The following ANKRD55 variants were observed in gnomAD, a reference collection of about 807,000 sequenced individuals.
ANKRD55 encodes the protein ankyrin repeat domain 55.
A neutral mutation model predicts 60.6 loss-of-function variants in ANKRD55; 41 were observed. The observed-to-expected ratio is 0.68, with a 90% CI of 0.53 to 0.88. The LOEUF is 0.88. Among genes scored for constraint, ANKRD55 ranks in the 40% least tolerant of loss-of-function variants. ANKRD55 has a pLI of 0.00. For missense variants in ANKRD55, 732 were observed against 767.6 expected, an observed-to-expected ratio of 0.95 and a Z score of 0.55; for synonymous variants, 264 against 290.3, an observed-to-expected ratio of 0.91 and a Z score of 0.92.
intron 2 of ANKRD55, among the ~76,000 whole-genome samples, chr5:56,198,787 C>G (rs961078166): frequency 1.3e-5 from 2 of 149,610 alleles, no homozygotes; most frequent in Admixed American, 1.3e-4. Flanking sequence ...TTTAAAAACA[C>G]GTGTTTAGGG....
At chr5:56,220,026 G>T (rs1208209459) in intron 2 of ANKRD55, among the ~76,000 whole-genome samples, 1 of 152,238 alleles carries the variant, frequency 6.6e-6, no homozygotes, top group Non-Finnish European at 1.5e-5. Context: ...CCAGCTGCCT[G>T]CTGCACCGGA....
At chr5:56,201,934 T>C (rs1446196229) in intron 2 of ANKRD55, among the ~76,000 whole-genome samples, 2 of 152,180 alleles carry the variant, frequency 1.3e-5, no homozygotes, top group Non-Finnish European at 2.9e-5. Context: ...GAAAATGTGA[T>C]ACATATGCAC....
At chr5:56,209,944 T>C (rs1759620038) in intron 2 of ANKRD55, among the ~76,000 whole-genome samples, 1 of 152,212 alleles carries the variant, frequency 6.6e-6, no homozygotes, top group Non-Finnish European at 1.5e-5. Context: ...TAGTGTGCTT[T>C]ACAATTAAAA....
At chr5:56,132,903 C>T (rs2111735387) in intron 7 of ANKRD55, among the ~76,000 whole-genome samples, 1 of 152,182 alleles carries the variant, frequency 6.6e-6, no homozygotes, top group Non-Finnish European at 1.5e-5. Flanking sequence ...GACTACAAAA[C>T]AAAGAAAGTT....
intron 9 of ANKRD55, among the ~76,000 whole-genome samples, chr5:56,113,220 A>G (rs1188655979): frequency 6.6e-6 from 1 of 152,162 alleles, no homozygotes; most frequent in Non-Finnish European, 1.5e-5. Context: ...ATTAAACTCT[A>G]TTCATAATAA....
intron 10 of ANKRD55, among the ~76,000 whole-genome samples, chr5:56,106,577 C>G (rs938546165): frequency 1.3e-5 from 2 of 151,976 alleles, no homozygotes; most frequent in Non-Finnish European, 2.9e-5. Context: ...GCGCCCGCCA[C>G]CACACCTGGC....
intron 6 of ANKRD55, among the ~76,000 whole-genome samples, chr5:56,149,828 T>C (rs115909508): frequency 0.013 from 1,908 of 152,068 alleles, 55 homozygotes; most frequent in African/African-American, 0.043. Context: ...ATTACATCTT[T>C]ATTTTCACTA....
intron 2 of ANKRD55, among the ~76,000 whole-genome samples, chr5:56,227,290 A>G (rs1054670677): frequency 3.5e-5 from 5 of 141,736 alleles, no homozygotes; most frequent in Non-Finnish European, 7.6e-5. Flanking sequence ...CTGAACATTG[A>G]GAACACTTGG....
intron 2 of ANKRD55, among the ~76,000 whole-genome samples, chr5:56,188,775 A>G (rs1027107043): frequency 6.6e-6 from 1 of 152,222 alleles, no homozygotes; most frequent in African/African-American, 2.4e-5. Context: ...AAGTCAATTT[A>G]CATAGATTTT....
chr5:56,116,873 T>C, intron 8 of ANKRD55, 91 bp from the exon 9 acceptor site: 2 of 1,341,278 alleles, frequency 1.5e-6, no homozygotes. Flanking sequence ...CAAAGTCAGG[T>C]TGAGGTAGGG....
intron 5 of ANKRD55, among the ~76,000 whole-genome samples, chr5:56,169,527 C>T (rs1387142376): frequency 6.6e-6 from 1 of 151,618 alleles, no homozygotes; most frequent in Non-Finnish European, 1.5e-5. Context: ...TCTAAACATC[C>T]TTGTTTTGTT....
At chr5:56,211,426 A>G (rs905713815) in intron 2 of ANKRD55, among the ~76,000 whole-genome samples, 1 of 152,198 alleles carries the variant, frequency 6.6e-6, no homozygotes, top group African/African-American at 2.4e-5. Flanking sequence ...AGGTTGAGGT[A>G]GGTACTACAA....
At chr5:56,117,352 CT>C (rs1756912866) in intron 8 of ANKRD55, among the ~76,000 whole-genome samples, 1 of 152,088 alleles carries the variant, frequency 6.6e-6, no homozygotes, top group South Asian at 2.1e-4. Context: ...GTTTTTCTTA[CT>C]AATTTGTATG....
intron 2 of ANKRD55, among the ~76,000 whole-genome samples, chr5:56,230,506 G>T (rs182051912): frequency 1.1e-4 from 17 of 152,244 alleles, no homozygotes; most frequent in Non-Finnish European, 2.1e-4. Flanking sequence ...TACTGCTAGG[G>T]TTCACTTATC....
chr5:56,100,362 G>A (rs1022332801), intron 11 of ANKRD55, 58 bp from the exon 12 acceptor site: 15 of 1,603,534 alleles, frequency 9.4e-6, no homozygotes, highest in African/African-American at 4.0e-5. Flanking sequence ...ACAGGAAGGC[G>A]GCAGGAGAAT....
At chr5:56,182,274 A>T (rs1309252030) in intron 3 of ANKRD55, among the ~76,000 whole-genome samples, 1 of 152,188 alleles carries the variant, frequency 6.6e-6, no homozygotes, top group Non-Finnish European at 1.5e-5. Flanking sequence ...TCCTAATTAT[A>T]GGGCTCTTCA....
chr5:56,111,330 C>G lies in ANKRD55; in HGVS notation c.1418G>C (p.Ser473Thr), dbSNP rs1269521540. 6.2e-7 allele frequency: 1 copy of G among 1,614,156 alleles called. No homozygotes were observed. Among genetic ancestry groups the G allele is most frequent in the Non-Finnish European group, 8.5e-7 (1 of 1,180,032 alleles). Residue 473 changes from serine to threonine, a missense_variant, in exon 10 of 12, where the codon AGT becomes ACT. Physicochemically the swap from Ser to Thr is moderately conservative, Grantham distance 58. This residue lies in a region of ANKRD55 where 597 missense variants were observed against 607.5 expected (regional missense o/e 0.98). Coordinates refer to ENST00000341048, the MANE Select transcript of ANKRD55 (RefSeq NM_024669.3). ...PHHMAQRSQK[S>T]RSEQDLLNNR... ...ATTTAATAAATCCTGCTCACTTCGA[C>G]TTTTCTGAGATCGCTGGGCCATATG...
In ANKRD55 at chr5:56,214,988, T is replaced by C. The variant is rs79753703; in HGVS notation, c.58+17868A>G. 1.1e-4 allele frequency among the ~76,000 whole-genome samples: 17 copies of C among 152,358 alleles called. No individual in the cohort carries two copies. In the East Asian group the frequency reaches 3.3e-3, roughly 29 times the overall value. ...TTTTTTAAAATAGCAGACTGTGTGCTGATTTACTGTGGTGAATTGAAGATC... is the reference window on the plus strand; with the variant it reads ...TTTTTTAAAATAGCAGACTGTGTGCCGATTTACTGTGGTGAATTGAAGATC... On this transcript the variant is annotated intron_variant, in intron 2 of 11. Transcript: ENST00000341048.
chr5:56,143,569 A>C (rs1561267987), intron 7 of ANKRD55, among the ~76,000 whole-genome samples: 1 of 152,174 alleles, frequency 6.6e-6, no homozygotes, highest in Non-Finnish European at 1.5e-5. Context: ...GGAGAGAGAA[A>C]CAGAGAGAAT....
Sources: allele counts gnomAD v4.1 joint callset (sites outside exome capture counted in the v4.1 genomes callset), GRCh38; gene constraint gnomAD v4.1.1; regional missense constraint gnomAD v4.1.1; transcripts MANE v1.5; gene names NCBI Gene and HGNC (gene_info 2026-07-23, HGNC 2026-07-21).